METTL21A: variants seen among roughly 807,000 people sequenced by gnomAD.
The protein encoded by METTL21A is protein N-lysine methyltransferase METTL21A.
In METTL21A, 22 loss-of-function variants were observed where a neutral mutation model predicts 20.9. The ratio of observed to expected loss-of-function variants is 1.05; its 90% CI spans 0.75 to 1.50. The LOEUF is 1.50. Among genes scored for constraint, METTL21A ranks in the 40% most tolerant of loss-of-function variants. The pLI, the probability that METTL21A is intolerant of heterozygous loss-of-function variation, is 0.00. For synonymous variants in METTL21A, 93 were observed against 102.0 expected, an observed-to-expected ratio of 0.91 and a Z score of 0.53; for missense variants, 271 against 266.8, an observed-to-expected ratio of 1.02 and a Z score of -0.11.
intron 3 of METTL21A, among the ~76,000 whole-genome samples, chr2:207,588,741 T>TG (rs1559069651): frequency 3.3e-4 from 46 of 137,872 alleles, no homozygotes; most frequent in African/African-American, 7.6e-4. Context: ...TTTTTTTTTT[T>TG]TGTGTGTGGG....
exon 4 of METTL21A, chr2:207,612,883 C>A (rs2089155583): frequency 1.6e-6 from 1 of 642,774 alleles, no homozygotes; most frequent in Non-Finnish European, 2.5e-6. Flanking sequence ...AGCAATGGGA[C>A]AAAGCACTGC....
chr2:207,609,677 G>C (rs897938009), downstream of METTL21A: 6 of 152,166 alleles, frequency 3.9e-5, no homozygotes, highest in African/African-American at 1.4e-4. Context: ...AAGGAAGCAG[G>C]GAAAGCTTGG....
At chr2:207,583,270 A>AGG (rs2083263592) in intron 3 of METTL21A, among the ~76,000 whole-genome samples, 3 of 152,162 alleles carry the variant, frequency 2.0e-5, no homozygotes, top group African/African-American at 4.8e-5. Context: ...ACAGATACTG[A>AGG]GGGACAACTA....
At chr2:207,588,726 T>TG (rs1327740112) in intron 3 of METTL21A, among the ~76,000 whole-genome samples, 2 of 51,370 alleles carry the variant, frequency 3.9e-5, no homozygotes, top group Admixed American at 3.1e-4. Context: ...AACTGTTTTC[T>TG]GGTTTTTTTT....
intron 1 of METTL21A, 56 bp from the exon 2 acceptor site, chr2:207,624,460 C>A: frequency 7.1e-7 from 1 of 1,409,950 alleles, no homozygotes; most frequent in South Asian, 1.5e-5. Context: ...ATTATCTGTT[C>A]TTAACTAACT....
chr2:207,608,417 G>T (rs1559105028), downstream of METTL21A, among the ~76,000 whole-genome samples: 1 of 43,076 alleles, frequency 2.3e-5, no homozygotes, highest in Non-Finnish European at 4.2e-5. Flanking sequence ...TATTTCTGAT[G>T]ATTTTTTTTT....
rs575640264 is a variant in METTL21A, at chr2:207,621,999, C to A, written c.148-82G>T. On this transcript the variant is annotated intron_variant, in intron 2 of 3. Coordinates refer to ENST00000406927, the Ensembl canonical transcript of METTL21A. ...AGGGTTTCAGGTCAGCTACACCCAC[C>A]CCTCTCCCACTTCGAGGTTCAATTC... 1.1e-5 allele frequency: 13 copies of A among 1,157,162 alleles called. No individual in the cohort carries two copies. In the East Asian group the frequency reaches 2.9e-4, roughly 26 times the overall value. The allele number at this position is 1,157,162 out of a possible 1,614,324, so 71.7% of individuals were successfully genotyped here. A position where few individuals can be genotyped will look rare whatever the true frequency, so the allele number is the denominator to read the frequency against.
chr2:207,597,257 C>A, intron 3 of METTL21A: 1 of 495,126 alleles, frequency 2.0e-6, no homozygotes, highest in East Asian at 3.7e-5. Context: ...CCACTTCTCC[C>A]CTCAAGAAAT....
chr2:207,600,790 T>C (rs1290254502), intron 3 of METTL21A: 1 of 209,974 alleles, frequency 4.8e-6, no homozygotes, highest in Non-Finnish European at 9.7e-6. Context: ...TCAGGATAAA[T>C]CCCTGTAGGA....
intron 3 of METTL21A, among the ~76,000 whole-genome samples, chr2:207,585,160 G>A (rs2083597504): frequency 6.6e-6 from 1 of 152,156 alleles, no homozygotes; most frequent in Non-Finnish European, 1.5e-5. Context: ...CCAGAGGCCT[G>A]CAGATAGGCC....
At chr2:207,604,268 TGTTTCGCCACTGAA>T (rs2087657470), downstream of METTL21A, among the ~76,000 whole-genome samples, 2 of 152,230 alleles carry the variant, frequency 1.3e-5, no homozygotes, top group Non-Finnish European at 2.9e-5. Flanking sequence ...CTAGTTTTAG[TGTTTCGCCACTGAA>T]GACTTAACAT....
At chr2:207,590,087 T>TG (rs1219816282) in intron 3 of METTL21A, among the ~76,000 whole-genome samples, 6 of 95,616 alleles carry the variant, frequency 6.3e-5, no homozygotes, top group South Asian at 2.9e-4. Flanking sequence ...TGAGAAGTTT[T>TG]TTTTTTTTTT....
At chr2:207,601,412 C>A (rs561020582) in intron 3 of METTL21A, 2 of 187,926 alleles carry the variant, frequency 1.1e-5, no homozygotes, top group Non-Finnish European at 2.2e-5. Context: ...TAAAAGCTAG[C>A]CTTAAAAACA....
intron 3 of METTL21A, among the ~76,000 whole-genome samples, chr2:207,596,669 G>A (rs1466016305): frequency 6.6e-6 from 1 of 152,208 alleles, no homozygotes; most frequent in Non-Finnish European, 1.5e-5. Context: ...CTGACCTCAG[G>A]TGATCTCCCT....
chr2:207,597,820 A>G (rs2086414219), intron 3 of METTL21A: 1 of 194,924 alleles, frequency 5.1e-6, no homozygotes, highest in African/African-American at 2.3e-5. Flanking sequence ...TGAATTTTAA[A>G]TTAAAGCAAA....
At position 207,618,138 on chromosome 2, in the gene METTL21A, T is replaced by C. The variant is rs1156630605; in HGVS notation, c.259+3668A>G. ...TCCTCAGCATTATATTTCAAGACAGTGGTCCCCAGCCTTGGCTGGGCATCA... is the reference window on the plus strand; with the variant it reads ...TCCTCAGCATTATATTTCAAGACAGCGGTCCCCAGCCTTGGCTGGGCATCA... On this transcript the variant is annotated intron_variant, in intron 3 of 3. Transcript: ENST00000406927. Among the ~76,000 whole-genome samples, 4 of 152,266 alleles carry C rather than the reference T, an allele frequency of 2.6e-5. No homozygotes were observed. The East Asian group carries it at 7.7e-4, about 29-fold the overall frequency.
intron 3 of METTL21A, chr2:207,620,738 C>G: frequency 6.6e-7 from 1 of 1,521,916 alleles, no homozygotes; most frequent in Admixed American, 2.1e-5. Context: ...TTTACACAGA[C>G]TTTCAACCAC....
At chr2:207,585,958 A>C (rs1463793880) in intron 3 of METTL21A, among the ~76,000 whole-genome samples, 1 of 151,726 alleles carries the variant, frequency 6.6e-6, no homozygotes, top group Non-Finnish European at 1.5e-5. Context: ...ATTTAACAAA[A>C]TAATCACTGA....
chr2:207,613,740 T>G (rs925801609), intron 3 of METTL21A, among the ~76,000 whole-genome samples: 1 of 152,218 alleles, frequency 6.6e-6, no homozygotes, highest in Non-Finnish European at 1.5e-5. Flanking sequence ...TCCCAGCACT[T>G]TGGGAGGCCA....
Sources: allele counts gnomAD v4.1 joint callset (sites outside exome capture counted in the v4.1 genomes callset), GRCh38; gene constraint gnomAD v4.1.1; transcripts MANE v1.5; gene names NCBI Gene and HGNC (gene_info 2026-07-23, HGNC 2026-07-21).